The following SNTG1 variants were observed in gnomAD, a reference collection of about 807,000 sequenced individuals.
SNTG1 encodes gamma-1-syntrophin.
Under a neutral mutation model 74.7 loss-of-function variants are expected in SNTG1, and 39 were observed. The observed-to-expected ratio is 0.52, with a 90% CI of 0.40 to 0.68. The LOEUF is 0.68. SNTG1 is among the 30% of genes least tolerant of loss of function. SNTG1 has a pLI of 0.00. For missense variants in SNTG1, 685 were observed against 609.5 expected, an observed-to-expected ratio of 1.12 and a Z score of -1.30; for synonymous variants, 254 against 217.1, an observed-to-expected ratio of 1.17 and a Z score of -1.49.
intron 13 of SNTG1, among the ~76,000 whole-genome samples, chr8:50,641,412 G>A (rs1396677480): frequency 1.3e-5 from 2 of 152,158 alleles, no homozygotes; most frequent in Non-Finnish European, 1.5e-5. Flanking sequence ...GGACCTGCAC[G>A]TGCTCCCAGC....
chr8:49,943,093 G>T (rs926796881), intron 1 of SNTG1, among the ~76,000 whole-genome samples: 1 of 152,098 alleles, frequency 6.6e-6, no homozygotes, highest in Admixed American at 6.6e-5. Flanking sequence ...CAGTCATAAT[G>T]CAATACTCCT....
chr8:50,214,053 A>C (rs1183264489), intron 2 of SNTG1, among the ~76,000 whole-genome samples: 2 of 151,890 alleles, frequency 1.3e-5, no homozygotes. Flanking sequence ...TAGGGTTTTT[A>C]TGGTTTAAGG....
intron 1 of SNTG1, among the ~76,000 whole-genome samples, chr8:50,028,699 C>T (rs946009662): frequency 6.6e-6 from 1 of 151,976 alleles, no homozygotes; most frequent in African/African-American, 2.4e-5. Flanking sequence ...ATGTAATTAA[C>T]CTGCATATTG....
At chr8:50,130,121 G>A (rs1274429362) in intron 1 of SNTG1, among the ~76,000 whole-genome samples, 3 of 152,114 alleles carry the variant, frequency 2.0e-5, no homozygotes, top group Non-Finnish European at 4.4e-5. Context: ...AAACTCTGAG[G>A]AGAATTATTA....
chr8:50,007,713 T>G (rs1815374616), intron 1 of SNTG1, among the ~76,000 whole-genome samples: 1 of 152,260 alleles, frequency 6.6e-6, no homozygotes, highest in East Asian at 1.9e-4. Flanking sequence ...GAGATTTCTT[T>G]GAAGAGAGTT....
In SNTG1 at chr8:50,125,077, T is replaced by C. The variant is rs930550318; in HGVS notation, c.-102-47484T>C. ...ACTATACAAGAGTCCAGCTGCTGAT[T>C]ATTGAAAGGCACATTTGGCTTTAGT... is the stretch of plus-strand genomic sequence containing the variant. On this transcript the variant is annotated intron_variant, in intron 1 of 18. Coordinates refer to ENST00000642720, the MANE Select transcript of SNTG1 (RefSeq NM_018967.5). Among the ~76,000 whole-genome samples the C allele has an allele frequency of 3.5e-5, 5 of 142,158 alleles. 1 individual carries two copies. The highest frequency in any genetic ancestry group is 7.2e-5 in the Admixed American group (1 of 13,798). 93.3% of individuals were successfully genotyped at this position (142,158 alleles called of 152,430 possible).
chr8:50,500,058 G>A (rs2129641386), intron 8 of SNTG1, among the ~76,000 whole-genome samples: 1 of 151,422 alleles, frequency 6.6e-6, no homozygotes, highest in East Asian at 2.0e-4. Flanking sequence ...GGATTCTTTT[G>A]AGGTTTGTTA....
intron 2 of SNTG1, among the ~76,000 whole-genome samples, chr8:50,327,091 GT>G (rs971809281): frequency 6.6e-6 from 1 of 152,020 alleles, no homozygotes; most frequent in African/African-American, 2.4e-5. Flanking sequence ...AATATTTTAA[GT>G]TGTGTTTTAT....
intron 18 of SNTG1, among the ~76,000 whole-genome samples, chr8:50,759,813 G>T (rs1232359422): frequency 1.3e-5 from 2 of 152,056 alleles, no homozygotes; most frequent in African/African-American, 4.8e-5. Context: ...GCTTAGGATT[G>T]TCCTGGCTAT....
intron 15 of SNTG1, among the ~76,000 whole-genome samples, chr8:50,662,620 C>A (rs1475707385): frequency 6.6e-6 from 1 of 152,216 alleles, no homozygotes. Flanking sequence ...TGATACTACA[C>A]TGTCTCTGTC....
chr8:50,553,125 C>A lies in SNTG1; in HGVS notation c.756C>A (p.Cys252Ter). ...TTCAGTGCCTCTCTGCTGAAGACTG[C>A]GTTGACTGGCTACAAGCAATAGCAA... ...GIIQCLSAED[C>*]VDWLQAIATN... Residue 252 changes from cysteine to a stop codon, truncating the protein, a stop_gained, in exon 12 of 19, where the codon TGC (cysteine) becomes TGA (stop). Coordinates refer to ENST00000642720, the MANE Select transcript of SNTG1 (RefSeq NM_018967.5). LOFTEE classifies it high-confidence loss of function. 1 of 1,613,898 alleles carries A rather than the reference C, an allele frequency of 6.2e-7. No homozygotes were observed. Among genetic ancestry groups the A allele is most frequent in the Non-Finnish European group, 8.5e-7 (1 of 1,179,868 alleles).
intron 18 of SNTG1, among the ~76,000 whole-genome samples, chr8:50,790,884 T>C (rs2095688967): frequency 6.6e-6 from 1 of 151,912 alleles, no homozygotes; most frequent in African/African-American, 2.4e-5. Context: ...AACCAAAATA[T>C]AACCTCTATT....
chr8:50,256,785 C>T (rs201445219), intron 2 of SNTG1, among the ~76,000 whole-genome samples: 2 of 150,746 alleles, frequency 1.3e-5, no homozygotes, highest in African/African-American at 4.9e-5. Flanking sequence ...GGTGTGTGTG[C>T]GTGTGTGTGT....
intron 2 of SNTG1, among the ~76,000 whole-genome samples, chr8:50,386,899 A>T (rs559719810): frequency 3.9e-5 from 6 of 152,142 alleles, no homozygotes; most frequent in Non-Finnish European, 7.4e-5. Flanking sequence ...ACGAACATTC[A>T]AACCTTCATG....
intron 2 of SNTG1, among the ~76,000 whole-genome samples, chr8:50,217,028 T>G (rs1435944036): frequency 6.6e-6 from 1 of 151,284 alleles, no homozygotes; most frequent in Non-Finnish European, 1.5e-5. Context: ...TATTTATAAG[T>G]TTATTAGTAT....
intron 8 of SNTG1, among the ~76,000 whole-genome samples, chr8:50,498,942 C>T (rs2093927397): frequency 6.6e-6 from 1 of 151,706 alleles, no homozygotes; most frequent in Non-Finnish European, 1.5e-5. Flanking sequence ...AATTATATTA[C>T]ATTATATCAT....
intron 17 of SNTG1, among the ~76,000 whole-genome samples, chr8:50,724,009 C>T (rs2095493961): frequency 6.6e-6 from 1 of 151,992 alleles, no homozygotes; most frequent in African/African-American, 2.4e-5. Context: ...TTTCCAAGAA[C>T]ATAAGGAGGG....
intron 2 of SNTG1, among the ~76,000 whole-genome samples, chr8:50,229,480 A>T (rs34908431): frequency 1.3e-5 from 2 of 151,124 alleles, no homozygotes; most frequent in South Asian, 4.2e-4. Context: ...AAGGAAAAAA[A>T]CCCAGACTTC....
At chr8:50,328,644 A>G (rs2090846136) in intron 2 of SNTG1, among the ~76,000 whole-genome samples, 1 of 151,716 alleles carries the variant, frequency 6.6e-6, no homozygotes, top group South Asian at 2.1e-4. Flanking sequence ...TGATCCATTC[A>G]CCTCCCTCCC....
Sources: allele counts gnomAD v4.1 joint callset (sites outside exome capture counted in the v4.1 genomes callset), GRCh38; gene constraint gnomAD v4.1.1; transcripts MANE v1.5; gene names NCBI Gene and HGNC (gene_info 2026-07-23, HGNC 2026-07-21).